The following SPNS3 variants were observed in gnomAD, a reference collection of about 807,000 sequenced individuals.
SPNS3 encodes the protein protein spinster homolog 3.
A neutral mutation model predicts 54.4 loss-of-function variants in SPNS3; 51 were observed. The observed-to-expected ratio is 0.94, with a 90% CI of 0.75 to 1.18. The LOEUF is 1.18. SPNS3 is among the 50% of genes most tolerant of loss of function. SPNS3 has a pLI of 0.00. For synonymous variants in SPNS3, 309 were observed against 294.7 expected, an observed-to-expected ratio of 1.05 and a Z score of -0.50; for missense variants, 669 against 677.4, an observed-to-expected ratio of 0.99 and a Z score of 0.14.
chr17:4,448,331 GCA>G (rs763206458), intron 6 of SPNS3, 28 bp downstream of exon 6: 2 of 1,492,880 alleles, frequency 1.3e-6, no homozygotes, highest in South Asian at 2.7e-5. Flanking sequence ...CCCCTGCAAG[GCA>G]CAGAAAAGCC....
intron 8 of SPNS3, among the ~76,000 whole-genome samples, chr17:4,476,320 G>A (rs974848112): frequency 6.6e-6 from 1 of 152,348 alleles, no homozygotes; most frequent in Non-Finnish European, 1.5e-5. Context: ...CCCCATTGTA[G>A]CTGCAGCCTC....
intron 1 of SPNS3, among the ~76,000 whole-genome samples, chr17:4,434,554 T>C (rs1299828683): frequency 3.9e-5 from 6 of 152,062 alleles, no homozygotes; most frequent in Non-Finnish European, 8.8e-5. Context: ...TGGAGTGTAG[T>C]GGCGCAATCT....
chr17:4,472,776 T>A (rs63749356), intron 8 of SPNS3, among the ~76,000 whole-genome samples: 1 of 8,562 alleles, frequency 1.2e-4, no homozygotes, highest in African/African-American at 6.5e-4. Context: ...TTGGCAGCCT[T>A]TTTTTTTTTT....
At chr17:4,456,881 A>AT (rs1971330774) in intron 8 of SPNS3, among the ~76,000 whole-genome samples, 1 of 151,900 alleles carries the variant, frequency 6.6e-6, no homozygotes, top group Admixed American at 6.6e-5. Context: ...CACCCAGCTA[A>AT]TTTTTGTATT....
intron 8 of SPNS3, among the ~76,000 whole-genome samples, chr17:4,471,962 G>C (rs1045135898): frequency 6.6e-6 from 1 of 151,954 alleles, no homozygotes; most frequent in East Asian, 1.9e-4. Flanking sequence ...GGGTTCAAGC[G>C]ATCCTCCTGC....
chr17:4,434,480 T>C (rs1198085922), intron 1 of SPNS3, among the ~76,000 whole-genome samples: 2 of 148,028 alleles, frequency 1.4e-5, no homozygotes, highest in Non-Finnish European at 3.1e-5. Context: ...GACAACATAG[T>C]GAGACTCTGT....
intron 8 of SPNS3, among the ~76,000 whole-genome samples, chr17:4,458,388 TTC>T (rs1432753453): frequency 3.6e-5 from 2 of 55,880 alleles, no homozygotes; most frequent in South Asian, 1.1e-3. Context: ...CCTTTCTTTC[TTC>T]TTTCTTTCTT....
intron 1 of SPNS3, 66 bp downstream of exon 1, chr17:4,434,232 C>G: frequency 1.4e-6 from 2 of 1,439,618 alleles, no homozygotes; most frequent in South Asian, 1.3e-5. Context: ...GGCTGCAGAT[C>G]CATGGTGGCC....
chr17:4,454,978 A>G (rs552967015), intron 8 of SPNS3, among the ~76,000 whole-genome samples: 85 of 147,908 alleles, frequency 5.7e-4, no homozygotes, highest in Non-Finnish European at 8.1e-4. Flanking sequence ...CGGTGGCGCG[A>G]TCTCAGCTCA....
chr17:4,471,999 CA>C (rs1389071563), intron 8 of SPNS3, among the ~76,000 whole-genome samples: 2 of 152,072 alleles, frequency 1.3e-5, no homozygotes, highest in Admixed American at 6.5e-5. Flanking sequence ...GCTGGGACTA[CA>C]GGCGTGCTCC....
At chr17:4,472,875 A>C (rs1247644769) in intron 8 of SPNS3, among the ~76,000 whole-genome samples, 1 of 123,634 alleles carries the variant, frequency 8.1e-6, no homozygotes, top group Non-Finnish European at 1.6e-5. Flanking sequence ...TGCAGCCTCA[A>C]CCTCCCAGGC....
chr17:4,452,787 T>C (rs981187784), intron 7 of SPNS3, among the ~76,000 whole-genome samples: 1 of 150,500 alleles, frequency 6.6e-6, no homozygotes, highest in South Asian at 2.1e-4. Context: ...AGACAGGAGA[T>C]GAGGCAGGAA....
At chr17:4,443,304 C>T (rs1444784786) in intron 2 of SPNS3, among the ~76,000 whole-genome samples, 5 of 152,168 alleles carry the variant, frequency 3.3e-5, no homozygotes, top group African/African-American at 9.6e-5. Flanking sequence ...CTCCTGACCT[C>T]GGGTGATCCA....
At chr17:4,463,599 C>T (rs114842190) in intron 8 of SPNS3, among the ~76,000 whole-genome samples, 3,645 of 151,178 alleles carry the variant, frequency 0.024, 164 homozygotes, top group African/African-American at 0.083. Flanking sequence ...TTTAGCTGGG[C>T]GTGGCGGCAT....
Position 4,449,222 on chromosome 17 carries a change from C to T in SPNS3, c.771-13C>T. 1 of 1,608,536 alleles carries T rather than the reference C, an allele frequency of 6.2e-7. No homozygotes were observed. The highest frequency in any genetic ancestry group is 8.5e-7 in the Non-Finnish European group (1 of 1,179,412). ...CCCTCTCCCAACTCCAGCTGGGGCACCTCGTCTTGCAGCTGGAGTTTCGTG... is the reference window on the plus strand; with the variant it reads ...CCCTCTCCCAACTCCAGCTGGGGCATCTCGTCTTGCAGCTGGAGTTTCGTG... On this transcript the variant is annotated splice_polypyrimidine_tract_variant and intron_variant, in intron 6 of 11. Coordinates refer to ENST00000355530, the MANE Select transcript of SPNS3 (RefSeq NM_182538.5).
chr17:4,449,295 G>A lies in SPNS3; in HGVS notation c.831G>A (p.Leu277=). 6.2e-7 allele frequency: 1 copy of A among 1,612,594 alleles called. No individual in the cohort carries two copies. The highest frequency in any genetic ancestry group is 8.5e-7 in the Non-Finnish European group (1 of 1,179,930). Residue 277 remains leucine (L), a synonymous_variant, in exon 7 of 12, where the codon CTG becomes CTA. Transcript: ENST00000355530. ...CCATGGCCTTTGTGACTGGAGCCCT[G>A]GGGTTCTGGGCCCCCAAGTTTCTGC... The part of the protein sequence containing the change: ...VTAMAFVTGA[L]GFWAPKFLLE...
intron 8 of SPNS3, among the ~76,000 whole-genome samples, chr17:4,465,271 C>T (rs146780970): frequency 1.3e-3 from 204 of 152,222 alleles, no homozygotes; most frequent in African/African-American, 4.6e-3. Context: ...GCATGGTGGC[C>T]GGGTTAAACA....
At position 4,433,979 on chromosome 17, in the gene SPNS3, G is replaced by C; in HGVS notation, c.12G>C (p.Gly4=). The C allele has an allele frequency of 1.3e-6, 2 of 1,542,034 alleles. No homozygotes were observed. The highest frequency in any genetic ancestry group is 1.7e-6 in the Non-Finnish European group (2 of 1,143,180). Residue 4 remains glycine, a synonymous_variant, in exon 1 of 12, where the codon GGG becomes GGC. Transcript: ENST00000355530. ...AGCTGCAGGCTGGCATGGCTGGGGG[G>C]ATGTCAGCGGAGTGCCCTGAGCCTG... MAG[G]MSAECPEPGP...
At chr17:4,465,015 A>T (rs1341989350) in intron 8 of SPNS3, among the ~76,000 whole-genome samples, 1 of 152,238 alleles carries the variant, frequency 6.6e-6, no homozygotes, top group Non-Finnish European at 1.5e-5. Flanking sequence ...ATGTAACAAA[A>T]TTTAATGGCT....
Sources: allele counts gnomAD v4.1 joint callset (sites outside exome capture counted in the v4.1 genomes callset), GRCh38; gene constraint gnomAD v4.1.1; transcripts MANE v1.5; gene names NCBI Gene and HGNC (gene_info 2026-07-23, HGNC 2026-07-21).